SASH1: variants seen among roughly 807,000 people sequenced by gnomAD.
SASH1 encodes the protein SAM and SH3 domain-containing protein 1.
In SASH1, 44 loss-of-function variants were observed where a neutral mutation model predicts 125.2. The ratio of observed to expected loss-of-function variants is 0.35; its 90% CI spans 0.28 to 0.45. The LOEUF (loss-of-function observed/expected upper bound fraction) is 0.45. Ranked by LOEUF, SASH1 falls within the 20% of genes least tolerant of loss-of-function variation. SASH1 has a pLI of 1.00. For synonymous variants in SASH1, 639 were observed against 649.1 expected (o/e 0.98, Z 0.24); for missense variants, 1,426 against 1,614.5 (o/e 0.88, Z 2.00).
At chr6:148,542,528 A>G (rs953412760) in intron 17 of SASH1, among the ~76,000 whole-genome samples, 8 of 152,154 alleles carry the variant, frequency 5.3e-5, no homozygotes, top group Non-Finnish European at 1.2e-4. Context: ...CTGGGACTAC[A>G]GGCGCCTGCC....
At chr6:148,217,675 C>A in the SASH1 span, among the ~76,000 whole-genome samples, 1 of 151,790 alleles carries the variant, frequency 6.6e-6, no homozygotes, top group Non-Finnish European at 1.5e-5. Flanking sequence ...CAGCGCAGGC[C>A]CAGGCACCAA....
intron 1 of SASH1, among the ~76,000 whole-genome samples, chr6:148,298,673 GGAAGGAAGGA>G (rs1779833042): frequency 3.1e-5 from 2 of 64,484 alleles, no homozygotes; most frequent in South Asian, 9.1e-4. Flanking sequence ...GAGGGAGGAA[GGAAGGAAGGA>G]AGGAAGGAAG....
At position 148,354,855 on chromosome 6, in the gene SASH1, C is replaced by G. The variant is rs139274694; in HGVS notation, c.156+11632C>G. On this transcript the variant is annotated intron_variant, in intron 1 of 19. Coordinates refer to ENST00000367467, the MANE Select transcript of SASH1 (RefSeq NM_015278.5). ...TCGGCTCACTGCAACCTCTGCCTCC[C>G]GCGTTCAAGCAATTCTCCCTCAGCA... 7.3e-3 allele frequency among the ~76,000 whole-genome samples: 1,105 copies of G among 152,252 alleles called. 11 individuals carry two copies. Among genetic ancestry groups the G allele is most frequent in the African/African-American group, 0.025 (1,019 of 41,550 alleles).
At chr6:148,244,255 G>A in the SASH1 span, among the ~76,000 whole-genome samples, 11,899 of 152,140 alleles carry the variant, frequency 0.078, 529 homozygotes, top group Non-Finnish European at 0.099. Context: ...TAGACTCCTG[G>A]AAGCCTAGAC....
chr6:148,369,975 A>C (rs1562358252), intron 1 of SASH1, among the ~76,000 whole-genome samples: 14 of 149,850 alleles, frequency 9.3e-5, no homozygotes, highest in African/African-American at 3.4e-4. Flanking sequence ...ACAAAAAAAA[A>C]AAAAAAAAAA....
At chr6:148,491,893 A>G (rs1056127475) in intron 8 of SASH1, among the ~76,000 whole-genome samples, 2 of 152,220 alleles carry the variant, frequency 1.3e-5, no homozygotes, top group Non-Finnish European at 2.9e-5. Flanking sequence ...AGCCGTGTCC[A>G]TGGTTATCAA....
intron 1 of SASH1, among the ~76,000 whole-genome samples, chr6:148,326,379 C>A (rs1562326347): frequency 3.3e-3 from 114 of 34,468 alleles, no homozygotes; most frequent in South Asian, 8.3e-3. Context: ...TATATACATT[C>A]TTTTCTTTTC....
At chr6:148,245,603 T>C in the SASH1 span, among the ~76,000 whole-genome samples, 1 of 152,158 alleles carries the variant, frequency 6.6e-6, no homozygotes, top group Non-Finnish European at 1.5e-5. Flanking sequence ...AGGGACTTTT[T>C]TCTTTCGGAA....
At chr6:148,401,346 A>G (rs538895370) in intron 2 of SASH1, among the ~76,000 whole-genome samples, 1 of 152,234 alleles carries the variant, frequency 6.6e-6, no homozygotes, top group Non-Finnish European at 1.5e-5. Flanking sequence ...CTCATGGGGT[A>G]ACTTTGGAAA....
Position 148,532,893 on chromosome 6 carries a change from C to T in SASH1, c.1661C>T (p.Pro554Leu). ...GDDEEPPYRG[P>L]FCGRARVHTD... ...GACGAAGAGCCGCCTTACCGAGGCCCGTTCTGCGGGCGTGCCAGGGTGCAC... is the reference window on the plus strand; with the variant it reads ...GACGAAGAGCCGCCTTACCGAGGCCTGTTCTGCGGGCGTGCCAGGGTGCAC... The change falls in exon 14 of 20, where the codon CCG becomes CTG. Residue 554 changes from proline (P) to leucine (L), a missense_variant. By Grantham distance (98) the Pro-to-Leu change is moderately conservative. Around this residue, in one of 3 missense-constraint regions of SASH1, gnomAD observed 225 missense variants for 344.5 expected, o/e 0.65. Coordinates refer to ENST00000367467, the MANE Select transcript of SASH1 (RefSeq NM_015278.5). The surrounding 1 kb of genome is among the most constrained non-coding windows in gnomAD (Gnocchi z 4.7). The T allele has an allele frequency of 1.9e-6, 3 of 1,614,206 alleles. No individual in the cohort carries two copies. The highest frequency in any genetic ancestry group is 1.7e-6 in the Non-Finnish European group (2 of 1,180,040).
rs539565281 is a variant in SASH1 at position 148,278,234 on chromosome 6, A to G, written n.74+5857A>G. ...GTATTTTTAATAGAGATGGGGTTTCACCATGTTGACCAGGCTGGTCTCAAA... is the reference window on the plus strand; with the variant it reads ...GTATTTTTAATAGAGATGGGGTTTCGCCATGTTGACCAGGCTGGTCTCAAA... On this transcript the variant is annotated intron_variant and non_coding_transcript_variant, in intron 1 of 3. Transcript: ENST00000367469. 3.9e-3 allele frequency among the ~76,000 whole-genome samples: 591 copies of G among 151,896 alleles called. 6 individuals are homozygous for G. The highest frequency in any genetic ancestry group is 7.6e-3 in the Admixed American group (116 of 15,256).
chr6:148,469,460 C>T (rs561351633), intron 5 of SASH1, among the ~76,000 whole-genome samples: 2 of 152,298 alleles, frequency 1.3e-5, no homozygotes, highest in African/African-American at 4.8e-5. Flanking sequence ...TCAGCCTGTG[C>T]AGTGGCTCAC....
the SASH1 span, among the ~76,000 whole-genome samples, chr6:148,210,448 G>T: frequency 2.0e-5 from 3 of 152,206 alleles, no homozygotes; most frequent in African/African-American, 2.4e-5. Context: ...CAGGAGAATT[G>T]CTTGGACCCA....
At chr6:148,268,970 C>T (rs138234076), upstream of SASH1, among the ~76,000 whole-genome samples, 18 of 152,312 alleles carry the variant, frequency 1.2e-4, no homozygotes, top group African/African-American at 3.8e-4. Context: ...TATAGCCACT[C>T]GTTTCATGTA....
the SASH1 span, among the ~76,000 whole-genome samples, chr6:148,201,373 G>C: frequency 6.6e-6 from 1 of 152,136 alleles, no homozygotes; most frequent in Non-Finnish European, 1.5e-5. Flanking sequence ...CATCCGGGGT[G>C]GGACCAACTG....
chr6:148,378,194 G>A (rs1442559219), intron 1 of SASH1, among the ~76,000 whole-genome samples: 1 of 151,834 alleles, frequency 6.6e-6, no homozygotes, highest in Non-Finnish European at 1.5e-5. Context: ...TGGGATTACA[G>A]GCATGCGCCA....
At chr6:148,298,667 G>GAGGGAGGA (rs1406840175) in intron 1 of SASH1, among the ~76,000 whole-genome samples, 49 of 55,706 alleles carry the variant, frequency 8.8e-4, no homozygotes, top group East Asian at 2.4e-3. Context: ...GGGAGGGAGG[G>GAGGGAGGA]AGGAAGGAAG....
At chr6:148,235,212 G>T in the SASH1 span, among the ~76,000 whole-genome samples, 1 of 152,208 alleles carries the variant, frequency 6.6e-6, no homozygotes, top group Non-Finnish European at 1.5e-5. Flanking sequence ...TGGTGTATGT[G>T]TATGGTGGAG....
intron 1 of SASH1, among the ~76,000 whole-genome samples, chr6:148,323,792 C>T (rs1274880708): frequency 6.6e-6 from 1 of 152,046 alleles, no homozygotes; most frequent in Non-Finnish European, 1.5e-5. Context: ...ATGGAGGCTA[C>T]ATGTGTGACC....
Sources: gnomAD v4.1 joint callset for allele counts (sites outside exome capture counted in the v4.1 genomes callset) on GRCh38, gnomAD v4.1.1 for gene constraint, gnomAD v4.1.1 regional missense constraint, Gnocchi (gnomAD v3.1) non-coding constraint, MANE v1.5 for transcripts, NCBI Gene and HGNC (gene_info 2026-07-23, HGNC 2026-07-21) for gene names.